KIF26B: variants seen among roughly 807,000 people sequenced by gnomAD.
The protein encoded by KIF26B is kinesin-like protein KIF26B.
In KIF26B, 63 loss-of-function variants were observed where a neutral mutation model predicts 151.2. The observed-to-expected ratio is 0.42, with a 90% confidence interval of 0.34 to 0.51. The LOEUF is 0.51. KIF26B is among the 20% of genes least tolerant of loss of function. The probability of loss-of-function intolerance (pLI) is 0.07; values close to 1 mark genes in which losing one functional copy is unlikely to be tolerated. For missense variants in KIF26B, 2,813 were observed against 2,913.6 expected (o/e 0.97, Z 0.79); for synonymous variants, 1,357 against 1,262.1 (o/e 1.08, Z -1.59).
intron 3 of KIF26B, among the ~76,000 whole-genome samples, chr1:245,402,981 T>G (rs1674042963): frequency 1.3e-5 from 2 of 152,204 alleles, no homozygotes; most frequent in African/African-American, 4.8e-5. Flanking sequence ...TTTATTTTTA[T>G]TTTTAGAAAT....
chr1:245,611,631 G>A (rs2043522211), intron 8 of KIF26B, among the ~76,000 whole-genome samples, 162 bp from the exon 9 acceptor site: 1 of 152,204 alleles, frequency 6.6e-6, no homozygotes, highest in African/African-American at 2.4e-5. Context: ...AATTGCACAT[G>A]AGCATAGCAC....
intron 9 of KIF26B, among the ~76,000 whole-genome samples, chr1:245,642,911 A>T (rs2043908689): frequency 6.6e-6 from 1 of 152,162 alleles, no homozygotes; most frequent in African/African-American, 2.4e-5. Context: ...TGTCTTTCCC[A>T]GGAGGACACT....
At chr1:245,360,857 CA>C (rs1271671306) in intron 2 of KIF26B, among the ~76,000 whole-genome samples, 1 of 152,050 alleles carries the variant, frequency 6.6e-6, no homozygotes, top group Non-Finnish European at 1.5e-5. Flanking sequence ...ACTAAAAATA[CA>C]AAAAAATTAG....
At chr1:245,643,948 G>A (rs555979686) in intron 9 of KIF26B, among the ~76,000 whole-genome samples, 20 of 152,088 alleles carry the variant, frequency 1.3e-4, no homozygotes, top group South Asian at 8.3e-4. Flanking sequence ...GGTTTTGGGC[G>A]GTTTGGTTAT....
At position 245,553,107 on chromosome 1, in the gene KIF26B, C is replaced by T. The variant is rs984997403; in HGVS notation, c.1350+12157C>T. On this transcript the variant is annotated intron_variant, in intron 5 of 14. Transcript: ENST00000407071. ...TTTCCAAATCATACAACATATGAGC[C>T]ATTCATCTTGTGCCAAGCACTGTTC... Among the ~76,000 whole-genome samples, 3 of 152,192 alleles carry T rather than the reference C, an allele frequency of 2.0e-5. No homozygotes were observed. The South Asian group carries it at 6.2e-4, about 31-fold the overall frequency.
intron 10 of KIF26B, among the ~76,000 whole-genome samples, chr1:245,657,333 G>T (rs894641141): frequency 1.3e-5 from 2 of 152,122 alleles, no homozygotes; most frequent in Admixed American, 6.5e-5. Context: ...GAAATCGCGC[G>T]CTGAGAACTA....
At chr1:245,479,341 A>G (rs1660112018) in intron 4 of KIF26B, among the ~76,000 whole-genome samples, 1 of 151,936 alleles carries the variant, frequency 6.6e-6, no homozygotes, top group Non-Finnish European at 1.5e-5. Context: ...CCAGAAATAC[A>G]TATTTCAACC....
At chr1:245,441,214 C>T (rs1280802683) in intron 4 of KIF26B, among the ~76,000 whole-genome samples, 1 of 152,142 alleles carries the variant, frequency 6.6e-6, no homozygotes, top group Non-Finnish European at 1.5e-5. Context: ...AGGTGTTATA[C>T]ACCCCTGCCA....
intron 4 of KIF26B, among the ~76,000 whole-genome samples, chr1:245,489,285 T>C (rs553949714): frequency 8.5e-5 from 13 of 152,256 alleles, no homozygotes; most frequent in Non-Finnish European, 1.8e-4. Flanking sequence ...AGGATGCAGC[T>C]TCATTTGTTA....
chr1:245,376,534 T>G (rs1673277487), intron 3 of KIF26B, among the ~76,000 whole-genome samples: 1 of 152,122 alleles, frequency 6.6e-6, no homozygotes, highest in Non-Finnish European at 1.5e-5. Context: ...AACCACAGTG[T>G]TAAGGAAGAA....
chr1:245,679,490 A>G (rs1265589437), intron 10 of KIF26B, among the ~76,000 whole-genome samples: 1 of 100,876 alleles, frequency 9.9e-6, no homozygotes, highest in Non-Finnish European at 1.8e-5. Flanking sequence ...TTTTTTTGAC[A>G]CAAGGTCTTG....
At chr1:245,532,488 G>A (rs1037620522) in intron 4 of KIF26B, among the ~76,000 whole-genome samples, 16 of 151,968 alleles carry the variant, frequency 1.1e-4, no homozygotes, top group South Asian at 8.3e-4. Context: ...CTCGTGATCC[G>A]CCTGCCTCGG....
At chr1:245,221,569 G>A (rs1669775135) in intron 2 of KIF26B, among the ~76,000 whole-genome samples, 1 of 150,328 alleles carries the variant, frequency 6.7e-6, no homozygotes, top group African/African-American at 2.5e-5. Flanking sequence ...ACCACGTCCG[G>A]CTAATTTTTG....
chr1:245,168,847 C>CCGCT (rs977502774), intron 2 of KIF26B, among the ~76,000 whole-genome samples: 1 of 152,122 alleles, frequency 6.6e-6, no homozygotes, highest in African/African-American at 2.4e-5. Context: ...AGGTAGCTGC[C>CCGCT]CGCTGAGTCA....
chr1:245,620,950 G>A (rs989785069), intron 9 of KIF26B, among the ~76,000 whole-genome samples: 1 of 152,092 alleles, frequency 6.6e-6, no homozygotes, highest in Admixed American at 6.5e-5. Context: ...AGCCCTCAGC[G>A]TGCTGTGGGC....
intron 2 of KIF26B, among the ~76,000 whole-genome samples, chr1:245,289,688 G>C (rs12033259): frequency 6.6e-6 from 1 of 151,846 alleles, no homozygotes; most frequent in Non-Finnish European, 1.5e-5. Context: ...TGAAACTTTT[G>C]ATGTGGTGAT....
intron 9 of KIF26B, among the ~76,000 whole-genome samples, chr1:245,631,415 G>T (rs1382319669): frequency 1.3e-5 from 2 of 152,158 alleles, no homozygotes; most frequent in African/African-American, 4.8e-5. Context: ...ATGTTGATGT[G>T]ATGTGCACGT....
intron 14 of KIF26B, among the ~76,000 whole-genome samples, chr1:245,699,717 T>C (rs1254105527): frequency 3.4e-4 from 52 of 152,296 alleles, no homozygotes. Flanking sequence ...GAAGACTCAG[T>C]CTGTGGGGTG....
chr1:245,593,433 A>G (rs1407700262), intron 5 of KIF26B, among the ~76,000 whole-genome samples: 2 of 151,138 alleles, frequency 1.3e-5, no homozygotes, highest in Non-Finnish European at 2.9e-5. Flanking sequence ...TTGGTTTTCT[A>G]TTCCTGTATT....
Sources: gnomAD v4.1 joint callset for allele counts (sites outside exome capture counted in the v4.1 genomes callset) on GRCh38, gnomAD v4.1.1 for gene constraint, MANE v1.5 for transcripts, NCBI Gene and HGNC (gene_info 2026-07-23, HGNC 2026-07-21) for gene names.